The following TCF7L2 variants were observed in gnomAD, a reference collection of about 807,000 sequenced individuals.
TCF7L2 encodes transcription factor 7-like 2.
Under a neutral mutation model 77.9 loss-of-function variants are expected in TCF7L2, and 23 were observed. The observed-to-expected ratio is 0.30, with a 90% CI of 0.21 to 0.42. The LOEUF (loss-of-function observed/expected upper bound fraction) is 0.42. Ranked by LOEUF, TCF7L2 falls within the 10% of genes least tolerant of loss-of-function variation. The pLI, the probability that TCF7L2 is intolerant of heterozygous loss-of-function variation, is 1.00. For synonymous variants in TCF7L2, 413 were observed against 340.2 expected, an observed-to-expected ratio of 1.21 and a Z score of -2.36; for missense variants, 654 against 793.1, an observed-to-expected ratio of 0.82 and a Z score of 2.11.
intron 5 of TCF7L2, among the ~76,000 whole-genome samples, chr10:113,138,615 TTAA>T (rs1472836649): frequency 1.3e-5 from 2 of 152,126 alleles, no homozygotes; most frequent in Non-Finnish European, 2.9e-5. Flanking sequence ...AAAAATAATA[TTAA>T]TAATAAACCA....
intron 4 of TCF7L2, among the ~76,000 whole-genome samples, chr10:112,977,321 A>G (rs1391640565): frequency 2.0e-5 from 3 of 152,222 alleles, no homozygotes; most frequent in Non-Finnish European, 2.9e-5. Context: ...GCTGCCCTGT[A>G]GGGAAGAAGT....
intron 5 of TCF7L2, among the ~76,000 whole-genome samples, chr10:113,071,537 C>A (rs914896745): frequency 6.6e-6 from 1 of 152,146 alleles, no homozygotes; most frequent in African/African-American, 2.4e-5. Context: ...CCCGTCCCCC[C>A]GCCACCTCTC....
chr10:113,068,325 C>T (rs2057519845), intron 5 of TCF7L2, among the ~76,000 whole-genome samples: 2 of 152,236 alleles, frequency 1.3e-5, no homozygotes, highest in South Asian at 4.1e-4. Context: ...TTGCTGTTGA[C>T]AGCCCATGTG....
intron 5 of TCF7L2, among the ~76,000 whole-genome samples, chr10:113,053,350 C>T (rs1292654569): frequency 6.6e-6 from 1 of 152,136 alleles, no homozygotes; most frequent in Non-Finnish European, 1.5e-5. Context: ...TGTGAGTTTC[C>T]TCCAGAAGTT....
chr10:113,077,187 T>A (rs2058778938), intron 5 of TCF7L2, among the ~76,000 whole-genome samples: 1 of 152,196 alleles, frequency 6.6e-6, no homozygotes, highest in African/African-American at 2.4e-5. Flanking sequence ...CTCTGCTTAC[T>A]GTAAAATGGG....
At chr10:113,119,018 G>A (rs1020931066) in intron 5 of TCF7L2, among the ~76,000 whole-genome samples, 7 of 151,994 alleles carry the variant, frequency 4.6e-5, no homozygotes, top group Non-Finnish European at 8.8e-5. Flanking sequence ...TCCTATTTTC[G>A]GGCTGCTAAT....
At chr10:113,021,152 C>T (rs1163078505) in intron 4 of TCF7L2, among the ~76,000 whole-genome samples, 5 of 152,182 alleles carry the variant, frequency 3.3e-5, no homozygotes, top group African/African-American at 4.8e-5. Flanking sequence ...AAACATGTTT[C>T]CTGCCCTCGT....
At chr10:112,993,484 T>C (rs931003935) in intron 4 of TCF7L2, among the ~76,000 whole-genome samples, 1 of 151,496 alleles carries the variant, frequency 6.6e-6, no homozygotes, top group African/African-American at 2.4e-5. Flanking sequence ...CCAGCTTGGG[T>C]GATAGAGTGA....
chr10:113,022,962 G>C (rs147457642), intron 4 of TCF7L2, among the ~76,000 whole-genome samples: 207 of 152,288 alleles, frequency 1.4e-3, no homozygotes, highest in Non-Finnish European at 1.9e-3. Context: ...CAAAATGATG[G>C]AACTTGGATT....
At chr10:113,065,047 T>C (rs1228179788) in intron 5 of TCF7L2, among the ~76,000 whole-genome samples, 2 of 150,558 alleles carry the variant, frequency 1.3e-5, no homozygotes, top group African/African-American at 2.4e-5. Flanking sequence ...TCCCATTCCA[T>C]AGGGAAAAAA....
rs545150027 is a variant in TCF7L2 at position 113,070,452 on chromosome 10, C to G, written c.552+30326C>G. 6.6e-5 allele frequency among the ~76,000 whole-genome samples: 10 copies of G among 152,040 alleles called. No individual in the cohort carries two copies. In the South Asian group the frequency reaches 1.9e-3, roughly 29 times the overall value. ...TTTCCTGTAGAATCTCATGTAATCC[C>G]AAACAGATCCTAGCTGCTTGCTATG... On this transcript the variant is annotated intron_variant, in intron 5 of 13. Transcript: ENST00000627217.
chr10:113,073,129 T>A (rs4503466), intron 5 of TCF7L2, among the ~76,000 whole-genome samples: 7,493 of 123,478 alleles, frequency 0.061, 288 homozygotes, highest in South Asian at 0.13. Context: ...TGTGTGTGTG[T>A]GAGAGAGAGA....
intron 3 of TCF7L2, among the ~76,000 whole-genome samples, chr10:112,961,942 T>G (rs1381097535): frequency 6.6e-6 from 1 of 152,126 alleles, no homozygotes; most frequent in East Asian, 1.9e-4. Context: ...AAATTAACTT[T>G]GTCCTATATG....
intron 12 of TCF7L2, 116 bp downstream of exon 13, chr10:113,158,833 G>T: frequency 9.6e-7 from 1 of 1,041,132 alleles, no homozygotes; most frequent in South Asian, 1.7e-5. Context: ...TCTTTAAAAT[G>T]ACCATCAACA....
chr10:113,049,681 A>G (rs1353475593), intron 5 of TCF7L2, among the ~76,000 whole-genome samples: 2 of 152,172 alleles, frequency 1.3e-5, no homozygotes, highest in African/African-American at 2.4e-5. Flanking sequence ...AGATCATATC[A>G]CAGACCTCTA....
chr10:113,020,190 C>T, intron 4 of TCF7L2, among the ~76,000 whole-genome samples: 1 of 152,196 alleles, frequency 6.6e-6, no homozygotes, highest in East Asian at 1.9e-4. Context: ...CCTCACAGCT[C>T]ACCTTAGGGT....
chr10:113,118,174 A>G (rs923692445), intron 5 of TCF7L2, among the ~76,000 whole-genome samples: 3 of 151,880 alleles, frequency 2.0e-5, no homozygotes, highest in African/African-American at 7.3e-5. Flanking sequence ...GTTTTTTATT[A>G]TTTATTTGTT....
intron 5 of TCF7L2, among the ~76,000 whole-genome samples, chr10:113,079,365 C>T (rs1275521938): frequency 6.6e-6 from 1 of 152,224 alleles, no homozygotes; most frequent in African/African-American, 2.4e-5. Context: ...AGCTGCTCTG[C>T]TCAGGAGATC....
At chr10:113,116,188 C>G (rs879655931) in intron 5 of TCF7L2, among the ~76,000 whole-genome samples, 2 of 152,048 alleles carry the variant, frequency 1.3e-5, no homozygotes, top group Non-Finnish European at 2.9e-5. Context: ...ATCATTTTCT[C>G]CCTCTTTTCC....
Sources: allele counts gnomAD v4.1 joint callset (sites outside exome capture counted in the v4.1 genomes callset), GRCh38; gene constraint gnomAD v4.1.1; transcripts MANE v1.5; gene names NCBI Gene and HGNC (gene_info 2026-07-23, HGNC 2026-07-21).